The following CAPN12 variants were observed in gnomAD, a reference collection of about 807,000 sequenced individuals.
The protein encoded by CAPN12 is calpain 12, also known as calpain-12.
A neutral mutation model predicts 95.0 loss-of-function variants in CAPN12; 107 were observed. That is an observed-to-expected ratio of 1.13 (90% CI 0.96 to 1.32). The LOEUF (loss-of-function observed/expected upper bound fraction) is 1.32, where lower values mean the gene tolerates loss of function less well. Among genes scored for constraint, CAPN12 ranks in the 40% most tolerant of loss-of-function variants. The pLI, the probability that CAPN12 is intolerant of heterozygous loss-of-function variation, is 0.00. For missense variants in CAPN12, 1,136 were observed against 997.8 expected (o/e 1.14, Z -1.87); for synonymous variants, 505 against 415.5 (o/e 1.22, Z -2.62).
Position 38,736,215 on chromosome 19 carries a change from C to T in CAPN12, c.1478G>A (p.Cys493Tyr). Residue 493 changes from cysteine (C) to tyrosine (Y), a missense_variant, in exon 12 of 21, where the codon TGC (cysteine) becomes TAC (tyrosine). Physicochemically the swap from Cys to Tyr is radical, Grantham distance 194. Coordinates refer to ENST00000328867, the MANE Select transcript of CAPN12 (RefSeq NM_144691.4). ...LSARRDVTRR[C>Y]CLRPGHYLVV... Reference sequence around the variant, plus strand: ...CAGGTAGTGGCCTGGACGCAGGCAGCAGCGGCGGGTCACGTCGCGGCGGGC... The same window carrying T: ...CAGGTAGTGGCCTGGACGCAGGCAGTAGCGGCGGGTCACGTCGCGGCGGGC... 1 of 1,500,388 alleles carries T rather than the reference C, an allele frequency of 6.7e-7. No homozygotes were observed. The highest frequency in any genetic ancestry group is 8.9e-7 in the Non-Finnish European group (1 of 1,129,584). The allele number at this position is 1,500,388 out of a possible 1,614,324, so 92.9% of individuals were successfully genotyped here. A position where few individuals can be genotyped will look rare whatever the true frequency, so the allele number is the denominator to read the frequency against.
chr19:38,744,423 G>T lies in CAPN12; in HGVS notation c.-258C>A, dbSNP rs1970765089. 1.3e-5 allele frequency: 7 copies of T among 555,260 alleles called. No homozygotes were observed. The highest frequency in any genetic ancestry group is 2.3e-5 in the Non-Finnish European group (7 of 309,160). The allele number at this position is 555,260 out of a possible 1,614,324, so 34.4% of individuals were successfully genotyped here. ...CCAGCAGCAGGAGAGAAGGCGGGCAGAGCTGAGGGAGGACCGGCTGCCGCT... is the reference window on the plus strand; with the variant it reads ...CCAGCAGCAGGAGAGAAGGCGGGCATAGCTGAGGGAGGACCGGCTGCCGCT... On this transcript the variant is annotated 5_prime_UTR_variant, in exon 1 of 21. In the 5' UTR this introduces an upstream ATG that the reference lacks. Transcript: ENST00000328867.
In CAPN12 at chr19:38,731,371, A is replaced by C. The variant is rs1044045376; in HGVS notation, c.1958-148T>G. On this transcript the variant is annotated intron_variant, in intron 18 of 20. Coordinates refer to ENST00000328867, the MANE Select transcript of CAPN12 (RefSeq NM_144691.4). Reference sequence around the variant, plus strand: ...ATCCCGGCAGGGTGAGTACAGGCTGATCCCTTCAATCCTCTGGGCCTGTTT... The same window carrying C: ...ATCCCGGCAGGGTGAGTACAGGCTGCTCCCTTCAATCCTCTGGGCCTGTTT... The C allele has an allele frequency of 1.7e-5, 11 of 649,366 alleles. No individual in the cohort carries two copies. In the South Asian group the frequency reaches 1.9e-4, roughly 11 times the overall value. The allele number at this position is 649,366 out of a possible 1,614,324, so 40.2% of individuals were successfully genotyped here.
chr19:38,741,180 G>C (rs772969508), intron 4 of CAPN12, among the ~76,000 whole-genome samples: 18 of 152,228 alleles, frequency 1.2e-4, no homozygotes, highest in Non-Finnish European at 2.2e-4. Context: ...GTGAATCCAG[G>C]GCCTGATATA....
At position 38,735,259 on chromosome 19, in the gene CAPN12, G is replaced by A. The variant is rs368691025; in HGVS notation, c.1686+111C>T. 1.0e-5 allele frequency: 11 copies of A among 1,076,180 alleles called. No homozygotes were observed. In the African/African-American group the frequency reaches 1.3e-4, roughly 13 times the overall value. The allele number at this position is 1,076,180 out of a possible 1,614,324, so 66.7% of individuals were successfully genotyped here. On this transcript the variant is annotated intron_variant, in intron 14 of 20. Coordinates refer to ENST00000328867, the MANE Select transcript of CAPN12 (RefSeq NM_144691.4). ...AAAGGTCAGGAGATTTAAGCCCGGA[G>A]GGAGGAAAAAGCAAGCAAAATGAGA...
Position 38,744,075 on chromosome 19 carries a change from T to G in CAPN12, c.91A>C (p.Ser31Arg), listed in dbSNP as rs1270577745. The G allele has an allele frequency of 6.2e-7, 1 of 1,614,112 alleles. No individual in the cohort carries two copies. The highest frequency in any genetic ancestry group is 1.3e-5 in the African/African-American group (1 of 75,036). Residue 31 changes from serine to arginine, a missense_variant, in exon 1 of 21, where the codon AGC becomes CGC. Transcript: ENST00000328867. ...CAGGCTGCCCGAATTGCCTCATAGC[T>G]CTGGCCCCGAAAAAGCTGCAGGCGC... ...AGRLQLFRGQ[S>R]YEAIRAACLD...
At chr19:38,741,632 A>G in intron 4 of CAPN12, 145 bp downstream of exon 4, 1 of 872,734 alleles carries the variant, frequency 1.1e-6, no homozygotes. Flanking sequence ...TTGTGATATG[A>G]GGGTTCTGGC....
chr19:38,738,473 G>A lies in CAPN12; in HGVS notation c.835C>T (p.Leu279=), dbSNP rs1455363209. ...VFLGFTKVRL[L]RLRNPWGCVE... ...CAGCCCCATGGGTTCCGCAGCCGCA[G>A]CAGCCGCACCTTGGTGAAGCCCAGG... is the stretch of plus-strand genomic sequence containing the variant. The change falls in exon 7 of 21, where the codon CTG becomes TTG. Residue 279 remains leucine (L), a synonymous_variant. Coordinates refer to ENST00000328867, the MANE Select transcript of CAPN12 (RefSeq NM_144691.4). 12 of 1,610,532 alleles carry A rather than the reference G, an allele frequency of 7.5e-6. No individual in the cohort carries two copies. The highest frequency in any genetic ancestry group is 1.0e-5 in the Non-Finnish European group (12 of 1,178,336).
intron 5 of CAPN12, 62 bp from the exon 6 acceptor site, chr19:38,738,710 GC>G: frequency 6.6e-7 from 1 of 1,506,338 alleles, no homozygotes; most frequent in Non-Finnish European, 9.2e-7. Context: ...GCTCCTCCCT[GC>G]CCCCAACCTC....
At chr19:38,736,503 GGGCAGGTTGACCAAGCC>G (rs1568782318) in intron 11 of CAPN12, 32 bp downstream of exon 11, 2 of 1,541,008 alleles carry the variant, frequency 1.3e-6, no homozygotes, top group African/African-American at 2.8e-5. Flanking sequence ...CCAAGCCCCA[GGGCAGGTTGACCAAGCC>G]CCAGGGCCGG....
chr19:38,736,688 G>A, intron 10 of CAPN12, 125 bp from the exon 11 acceptor site: 1 of 1,205,680 alleles, frequency 8.3e-7, no homozygotes. Context: ...GACCCTTATT[G>A]AACCTTTGCC....
Position 38,736,906 on chromosome 19 carries a change from A to G in CAPN12, c.1362+250T>C, listed in dbSNP as rs373549655. ...TCTCCCCTCTGAGACCTGGCCCCCCAGCCCTACTAGCCCCCTACTCCCCTC... is the reference window on the plus strand; with the variant it reads ...TCTCCCCTCTGAGACCTGGCCCCCCGGCCCTACTAGCCCCCTACTCCCCTC... On this transcript the variant is annotated intron_variant, in intron 10 of 20. Transcript: ENST00000328867. 2.5e-3 allele frequency: 386 copies of G among 152,948 alleles called. 8 individuals carry two copies. The South Asian group carries it at 0.04, about 16-fold the overall frequency. 9.5% of individuals were successfully genotyped at this position (152,948 alleles called of 1,614,324 possible).
In CAPN12 at chr19:38,738,575, T is replaced by C; in HGVS notation, c.803A>G (p.Lys268Arg). Residue 268 changes from lysine to arginine, a missense_variant and splice_region_variant, in exon 6 of 21, where the codon AAG becomes AGG. Physicochemically the swap from Lys to Arg is conservative, Grantham distance 26. Transcript: ENST00000328867. ...ACCCCACCCATGGGGGACACTTACCTTGTGTGTGCCCGTGATGGAATACGC... is the reference window on the plus strand; with the variant it reads ...ACCCCACCCATGGGGGACACTTACCCTGTGTGTGCCCGTGATGGAATACGC... ...GHAYSITGTH[K>R]VFLGFTKVRL... The C allele has an allele frequency of 1.2e-6, 2 of 1,613,968 alleles. No individual in the cohort carries two copies. The highest frequency in any genetic ancestry group is 1.7e-6 in the Non-Finnish European group (2 of 1,179,996).
At chr19:38,733,419 A>G (rs1370042541) in intron 18 of CAPN12, 1 of 432,202 alleles carries the variant, frequency 2.3e-6, no homozygotes, top group Non-Finnish European at 4.2e-6. Flanking sequence ...ACCAGCTCCT[A>G]ATCTTCCCCT....
intron 14 of CAPN12, chr19:38,735,158 G>C: frequency 1.7e-6 from 1 of 606,034 alleles, no homozygotes; most frequent in Non-Finnish European, 2.9e-6. Context: ...TGTCAGGAGG[G>C]AGAGGGTGGT....
At chr19:38,734,058 G>A (rs1348863739) in intron 17 of CAPN12, 84 bp downstream of exon 17, 2 of 1,473,652 alleles carry the variant, frequency 1.4e-6, no homozygotes, top group Admixed American at 3.7e-5. Context: ...CGTTCCCTGG[G>A]GACCTGATAG....
intron 5 of CAPN12, chr19:38,738,934 C>G (rs181222161): frequency 4.1e-6 from 2 of 490,632 alleles, no homozygotes; most frequent in Non-Finnish European, 7.4e-6. Context: ...GAGTCCAAGA[C>G]CAGCCTGGGC....
At position 38,744,202 on chromosome 19, in the gene CAPN12, T is replaced by TA; in HGVS notation, c.-38dup. 1 of 1,596,770 alleles carries TA rather than the reference T, an allele frequency of 6.3e-7. No individual in the cohort carries two copies. Among genetic ancestry groups the TA allele is most frequent in the Non-Finnish European group, 8.6e-7 (1 of 1,166,078 alleles). On this transcript the variant is annotated 5_prime_UTR_variant, in exon 1 of 21. An upstream open reading frame in the 5' UTR loses its in-frame stop. Coordinates refer to ENST00000328867, the MANE Select transcript of CAPN12 (RefSeq NM_144691.4). ...CCTCACAAGCCGGCACCAGGCCCTT[T>TA]AACCTCCTGAGTCACGGGGGCGGGG...
chr19:38,731,080 GCCCCAC>G, intron 19 of CAPN12, 21 bp downstream of exon 19: 1 of 1,093,296 alleles, frequency 9.1e-7, no homozygotes, highest in Non-Finnish European at 1.3e-6. Context: ...TTCCCCCCAT[GCCCCAC>G]CATGCCGGGG....
At chr19:38,736,774 CTG>C in intron 10 of CAPN12, 1 of 635,268 alleles carries the variant, frequency 1.6e-6, no homozygotes, top group Non-Finnish European at 2.7e-6. Context: ...AGCGCCTTCT[CTG>C]TATCCTTGGT....
Sources: allele counts gnomAD v4.1 joint callset (sites outside exome capture counted in the v4.1 genomes callset), GRCh38; gene constraint gnomAD v4.1.1; transcripts MANE v1.5; gene names NCBI Gene and HGNC (gene_info 2026-07-23, HGNC 2026-07-21).